The following UVRAG variants were observed in gnomAD, a reference collection of about 807,000 sequenced individuals.
UVRAG encodes UV radiation resistance-associated gene protein.
A neutral mutation model predicts 78.0 loss-of-function variants in UVRAG; 19 were observed. The ratio of observed to expected loss-of-function variants is 0.24; its 90% confidence interval spans 0.17 to 0.36. The LOEUF (loss-of-function observed/expected upper bound fraction) is 0.36. Among genes scored for constraint, UVRAG ranks in the 10% least tolerant of loss-of-function variants. The probability of loss-of-function intolerance (pLI) is 1.00; values close to 1 mark genes in which losing one functional copy is unlikely to be tolerated. For synonymous variants in UVRAG, 323 were observed against 324.6 expected, an observed-to-expected ratio of 1.00 and a Z score of 0.05; for missense variants, 740 against 853.8, an observed-to-expected ratio of 0.87 and a Z score of 1.66.
At chr11:76,068,778 C>T (rs763495234) in intron 13 of UVRAG, among the ~76,000 whole-genome samples, 3 of 152,114 alleles carry the variant, frequency 2.0e-5, no homozygotes, top group East Asian at 1.9e-4. Flanking sequence ...GGCTCCTAAG[C>T]GAGCATTGTA....
intron 6 of UVRAG, among the ~76,000 whole-genome samples, chr11:75,917,388 A>G (rs957477294): frequency 1.2e-4 from 18 of 152,236 alleles, no homozygotes; most frequent in African/African-American, 4.3e-4. Context: ...TCTTATGGCT[A>G]TATTTCTCCT....
chr11:76,050,874 G>T lies in UVRAG; in HGVS notation c.1227-14836G>T, dbSNP rs372817205. ...AACAATTTCAGAGTAGCATGTTCTA[G>T]TTCATACCACAAGTGAATAACAAAG... On this transcript the variant is annotated intron_variant, in intron 12 of 14. Coordinates refer to ENST00000356136, the MANE Select transcript of UVRAG (RefSeq NM_003369.4). 1.2e-4 allele frequency among the ~76,000 whole-genome samples: 18 copies of T among 152,234 alleles called. No individual in the cohort carries two copies. In the South Asian group the frequency reaches 2.3e-3, roughly 19 times the overall value.
intron 7 of UVRAG, among the ~76,000 whole-genome samples, chr11:75,975,940 G>T (rs1949228948): frequency 6.6e-6 from 1 of 152,194 alleles, no homozygotes; most frequent in East Asian, 1.9e-4. Context: ...TCCCTGTCTT[G>T]TGCCAGTTTT....
chr11:75,882,815 C>T (rs1324673247), intron 4 of UVRAG, among the ~76,000 whole-genome samples: 1 of 152,038 alleles, frequency 6.6e-6, no homozygotes, highest in Non-Finnish European at 1.5e-5. Context: ...TATTTTGTGT[C>T]CTATAGTGAC....
intron 4 of UVRAG, among the ~76,000 whole-genome samples, chr11:75,883,777 AT>A (rs1183189958): frequency 2.0e-5 from 3 of 152,122 alleles, no homozygotes; most frequent in South Asian, 2.1e-4. Flanking sequence ...TGAATAAAGT[AT>A]TTTTTTTAAG....
intron 1 of UVRAG, among the ~76,000 whole-genome samples, chr11:75,849,638 ATGGTTG>A: frequency 6.6e-6 from 1 of 152,360 alleles, no homozygotes; most frequent in Admixed American, 6.5e-5. Flanking sequence ...CAGTACAGTG[ATGGTTG>A]TGGTTTCTAT....
At chr11:76,078,834 C>T (rs978248934) in intron 13 of UVRAG, among the ~76,000 whole-genome samples, 5 of 150,308 alleles carry the variant, frequency 3.3e-5, no homozygotes, top group Non-Finnish European at 7.4e-5. Context: ...GAGGCTGAGG[C>T]AGGAGAATGA....
intron 12 of UVRAG, among the ~76,000 whole-genome samples, chr11:76,061,914 T>G (rs1951102606): frequency 6.6e-6 from 1 of 152,202 alleles, no homozygotes; most frequent in African/African-American, 2.4e-5. Context: ...GTCCAGTGGA[T>G]CATCCAGTAT....
At chr11:75,976,772 G>A (rs1037300495) in intron 7 of UVRAG, among the ~76,000 whole-genome samples, 1 of 151,746 alleles carries the variant, frequency 6.6e-6, no homozygotes, top group Non-Finnish European at 1.5e-5. Context: ...TTCTTTATTA[G>A]TCTTGCTAGC....
intron 14 of UVRAG, among the ~76,000 whole-genome samples, chr11:76,118,669 C>G (rs536098697): frequency 5.3e-5 from 8 of 152,160 alleles, no homozygotes; most frequent in African/African-American, 1.7e-4. Flanking sequence ...ATCTTTGCCC[C>G]CTGGTCATGT....
intron 2 of UVRAG, among the ~76,000 whole-genome samples, chr11:75,858,084 A>C (rs796375055): frequency 7.9e-5 from 12 of 152,184 alleles, no homozygotes; most frequent in African/African-American, 2.9e-4. Flanking sequence ...CTGCAGAACC[A>C]TGCTTGACAC....
At chr11:75,871,211 G>A (rs1946640621) in intron 3 of UVRAG, among the ~76,000 whole-genome samples, 1 of 150,940 alleles carries the variant, frequency 6.6e-6, no homozygotes, top group Admixed American at 6.6e-5. Context: ...TTCCCAGAGA[G>A]AACCTCTCTT....
intron 6 of UVRAG, among the ~76,000 whole-genome samples, chr11:75,937,330 T>G (rs1358979285): frequency 6.6e-6 from 1 of 152,224 alleles, no homozygotes; most frequent in Admixed American, 6.5e-5. Context: ...AGAGTGAGAC[T>G]CTGCCAATAT....
At chr11:75,861,434 G>A (rs1291092819) in intron 2 of UVRAG, among the ~76,000 whole-genome samples, 1 of 152,182 alleles carries the variant, frequency 6.6e-6, no homozygotes, top group East Asian at 1.9e-4. Context: ...GGGTGGAAGC[G>A]GGGAAGGAAG....
chr11:76,030,687 T>C (rs73001504), intron 12 of UVRAG, among the ~76,000 whole-genome samples: 7,635 of 152,250 alleles, frequency 0.05, 287 homozygotes, highest in East Asian at 0.22. Flanking sequence ...GCTATTCTAT[T>C]TGTCTGGAAT....
intron 6 of UVRAG, among the ~76,000 whole-genome samples, chr11:75,955,130 C>T (rs1014754346): frequency 3.3e-5 from 5 of 152,158 alleles, no homozygotes; most frequent in Non-Finnish European, 7.3e-5. Flanking sequence ...CACAAAGGGC[C>T]TTACCTTGAT....
chr11:76,093,697 C>T (rs1225135225), intron 13 of UVRAG, among the ~76,000 whole-genome samples: 2 of 152,090 alleles, frequency 1.3e-5, no homozygotes, highest in Non-Finnish European at 1.5e-5. Context: ...GTGATTTTTG[C>T]ACATTGATTT....
intron 11 of UVRAG, among the ~76,000 whole-genome samples, chr11:76,015,145 G>A (rs1171430189): frequency 6.6e-6 from 1 of 152,130 alleles, no homozygotes; most frequent in African/African-American, 2.4e-5. Context: ...CTAGAAAACT[G>A]TGAAGAAACT....
intron 6 of UVRAG, among the ~76,000 whole-genome samples, chr11:75,950,302 A>G (rs928988158): frequency 3.3e-5 from 5 of 152,224 alleles, no homozygotes; most frequent in African/African-American, 1.2e-4. Context: ...TTCTGTCACC[A>G]GGCTCGGAGT....
Sources: allele counts gnomAD v4.1 joint callset (sites outside exome capture counted in the v4.1 genomes callset), GRCh38; gene constraint gnomAD v4.1.1; transcripts MANE v1.5; gene names NCBI Gene and HGNC (gene_info 2026-07-23, HGNC 2026-07-21).